The following NTM variants were observed in gnomAD, a reference collection of about 807,000 sequenced individuals.
NTM encodes neurotrimin.
A neutral mutation model predicts 42.1 loss-of-function variants in NTM; 13 were observed. The observed-to-expected ratio is 0.31, with a 90% confidence interval of 0.20 to 0.49. The LOEUF (loss-of-function observed/expected upper bound fraction) is 0.49, where lower values mean the gene tolerates loss of function less well. Ranked by LOEUF, NTM falls within the 20% of genes least tolerant of loss-of-function variation. NTM has a pLI of 0.99. For synonymous variants in NTM, 187 were observed against 179.2 expected, an observed-to-expected ratio of 1.04 and a Z score of -0.35; for missense variants, 373 against 452.8, an observed-to-expected ratio of 0.82 and a Z score of 1.60.
At chr11:131,520,766 T>C (rs952959776) in intron 1 of NTM, among the ~76,000 whole-genome samples, 2 of 151,572 alleles carry the variant, frequency 1.3e-5, no homozygotes, top group African/African-American at 4.9e-5. Context: ...AAAAAAAAAA[T>C]CTCCAAAACC....
At chr11:131,722,427 A>G (rs1459663813) in intron 1 of NTM, among the ~76,000 whole-genome samples, 1 of 152,252 alleles carries the variant, frequency 6.6e-6, no homozygotes, top group Non-Finnish European at 1.5e-5. Flanking sequence ...ACTCGTAACC[A>G]TAGAACCAGT....
intron 1 of NTM, among the ~76,000 whole-genome samples, chr11:131,886,095 C>T (rs1467731581): frequency 1.3e-5 from 2 of 152,186 alleles, no homozygotes; most frequent in Non-Finnish European, 2.9e-5. Context: ...CAGTTTCAAC[C>T]TTGCCGTTCT....
At chr11:132,035,545 G>T (rs184301801) in intron 2 of NTM, among the ~76,000 whole-genome samples, 5 of 152,274 alleles carry the variant, frequency 3.3e-5, no homozygotes, top group Admixed American at 1.3e-4. Flanking sequence ...AAAATATTCG[G>T]TGAAATGCCA....
chr11:132,108,170 C>G (rs972149721), intron 2 of NTM, among the ~76,000 whole-genome samples: 1 of 152,168 alleles, frequency 6.6e-6, no homozygotes, highest in African/African-American at 2.4e-5. Flanking sequence ...TCGATTCACA[C>G]ATTTTGTTGA....
intron 2 of NTM, among the ~76,000 whole-genome samples, chr11:131,978,082 G>A (rs2134840481): frequency 6.6e-6 from 1 of 152,266 alleles, no homozygotes; most frequent in East Asian, 1.9e-4. Context: ...GAAGTCAGAT[G>A]AGCTGAGCTG....
intron 3 of NTM, among the ~76,000 whole-genome samples, chr11:132,174,984 G>A (rs1196360669): frequency 6.6e-6 from 1 of 152,084 alleles, no homozygotes; most frequent in Non-Finnish European, 1.5e-5. Flanking sequence ...TGGCATGGCT[G>A]TTCTGAACCA....
chr11:132,147,214 T>TGAGAGA (rs113704092), intron 3 of NTM, among the ~76,000 whole-genome samples: 3 of 122,892 alleles, frequency 2.4e-5, no homozygotes, highest in African/African-American at 9.9e-5. Flanking sequence ...TGTGTGTGTG[T>TGAGAGA]GAGAGAGAGA....
chr11:132,259,990 T>A (rs1196873645), intron 4 of NTM, among the ~76,000 whole-genome samples: 1 of 151,968 alleles, frequency 6.6e-6, no homozygotes, highest in East Asian at 1.9e-4. Context: ...ACTAGGACAG[T>A]TTTGAGTAGA....
At chr11:131,497,741 G>T (rs561031645) in intron 1 of NTM, among the ~76,000 whole-genome samples, 1 of 152,248 alleles carries the variant, frequency 6.6e-6, no homozygotes, top group Non-Finnish European at 1.5e-5. Flanking sequence ...CAGCTTCCCT[G>T]TTCTTTGTTC....
intron 8 of NTM, among the ~76,000 whole-genome samples, chr11:132,332,087 T>TAAAG (rs1460567664): frequency 6.6e-6 from 1 of 152,194 alleles, no homozygotes; most frequent in African/African-American, 2.4e-5. Context: ...GGAATTCGCA[T>TAAAG]AAAGAATAAA....
chr11:131,944,394 C>T (rs368835352), intron 2 of NTM, among the ~76,000 whole-genome samples: 30 of 152,318 alleles, frequency 2.0e-4, no homozygotes, highest in African/African-American at 7.0e-4. Flanking sequence ...GGAGGGGGCT[C>T]AGGCAGGTCA....
At chr11:131,901,958 T>A (rs511434) in intron 1 of NTM, among the ~76,000 whole-genome samples, 10,000 of 152,302 alleles carry the variant, frequency 0.066, 333 homozygotes, top group East Asian at 0.14. Context: ...AGGGAAATCA[T>A]TTCTTTCTGG....
intron 1 of NTM, among the ~76,000 whole-genome samples, chr11:131,614,688 C>T (rs2061754714): frequency 6.6e-6 from 1 of 152,200 alleles, no homozygotes; most frequent in Non-Finnish European, 1.5e-5. Context: ...GTTCAAAGGT[C>T]CCCTGAGTTG....
chr11:131,442,349 G>T (rs1949689360), intron 1 of NTM, among the ~76,000 whole-genome samples: 1 of 152,130 alleles, frequency 6.6e-6, no homozygotes. Context: ...ATCGATGACA[G>T]CAATAGCAGC....
rs115659697 is a variant in NTM, at chr11:132,050,458, T to G, written c.168-95824T>G. On this transcript the variant is annotated intron_variant, in intron 2 of 8. Transcript: ENST00000683400. The stretch of plus-strand genomic sequence containing the variant: ...GGGGAAAGGGGCTGGGCAAATGATT[T>G]TTTTGTATAGCAGGCACTGTGTTCA... Among the ~76,000 whole-genome samples, 1,289 of 152,326 alleles carry G rather than the reference T, an allele frequency of 8.5e-3. 17 individuals carry two copies. Among genetic ancestry groups the G allele is most frequent in the African/African-American group, 0.03 (1,233 of 41,568 alleles).
In NTM at chr11:131,744,631, AAAG is replaced by A. The variant is rs778787356; in HGVS notation, c.83-166931_83-166929del. 1.2e-4 allele frequency among the ~76,000 whole-genome samples: 19 copies of A among 152,244 alleles called. No individual in the cohort carries two copies. The South Asian group carries it at 1.5e-3, about 12-fold the overall frequency. On this transcript the variant is annotated intron_variant, in intron 1 of 8. Coordinates refer to ENST00000683400, the MANE Select transcript of NTM (RefSeq NM_001352005.2). The stretch of plus-strand genomic sequence containing the variant: ...AGAAAATTAATGTTTTTTTTAAAAA[AAAG>A]ATGAATTTCCTAATTGTGTTGTTCC...
intron 1 of NTM, among the ~76,000 whole-genome samples, chr11:131,796,471 G>A (rs1300469112): frequency 1.3e-5 from 2 of 152,214 alleles, no homozygotes; most frequent in African/African-American, 2.4e-5. Flanking sequence ...AGTATGAAGG[G>A]CCTTTGCAGG....
chr11:131,694,641 T>A (rs1455202979), intron 1 of NTM, among the ~76,000 whole-genome samples: 1 of 152,120 alleles, frequency 6.6e-6, no homozygotes, highest in Non-Finnish European at 1.5e-5. Flanking sequence ...GACAGGGAGC[T>A]GGGCCTGGGA....
At chr11:131,778,985 G>A (rs1012976690) in intron 1 of NTM, among the ~76,000 whole-genome samples, 3 of 152,212 alleles carry the variant, frequency 2.0e-5, no homozygotes, top group Non-Finnish European at 4.4e-5. Context: ...ATAGTAAACT[G>A]GGGAGCAATA....
Sources: allele counts gnomAD v4.1 joint callset (sites outside exome capture counted in the v4.1 genomes callset), GRCh38; gene constraint gnomAD v4.1.1; transcripts MANE v1.5; gene names NCBI Gene and HGNC (gene_info 2026-07-23, HGNC 2026-07-21).